The following CEP128 variants were observed in gnomAD, a reference collection of about 807,000 sequenced individuals.
The protein encoded by CEP128 is centrosomal protein 128.
A neutral mutation model predicts 156.7 loss-of-function variants in CEP128; 132 were observed. The observed-to-expected ratio is 0.84, with a 90% CI of 0.73 to 0.97. The LOEUF is 0.97. Ranked by LOEUF, CEP128 falls within the 50% of genes least tolerant of loss-of-function variation. CEP128 has a pLI of 0.00. For synonymous variants in CEP128, 469 were observed against 448.9 expected (o/e 1.04, Z -0.57); for missense variants, 1,252 against 1,281.9 (o/e 0.98, Z 0.36).
rs1410960526 is a variant in CEP128, at chr14:80,785,147, C to T, written c.1959G>A (p.Glu653=). Residue 653 remains glutamate (E), a synonymous_variant, in exon 15 of 25, where the codon GAG becomes GAA. Coordinates refer to ENST00000555265, the MANE Select transcript of CEP128 (RefSeq NM_152446.5). The part of the protein sequence containing the change: ...IRADLANKLA[E]EERAKKAVLK... Reference sequence around the variant, plus strand: ...GCACTGCTTTCTTGGCTCTCTCTTCCTCAGCCAATTTATTAGCAAGATCTG... The same window carrying T: ...GCACTGCTTTCTTGGCTCTCTCTTCTTCAGCCAATTTATTAGCAAGATCTG... 1.2e-6 allele frequency: 2 copies of T among 1,614,144 alleles called. No homozygotes were observed. Among genetic ancestry groups the T allele is most frequent in the East Asian group, 2.2e-5 (1 of 44,878 alleles).
chr14:80,810,333 A>AAAAAAAAAAAAAAAAAAAT (rs1160579811), intron 13 of CEP128, among the ~76,000 whole-genome samples: 1 of 145,366 alleles, frequency 6.9e-6, no homozygotes, highest in Non-Finnish European at 1.5e-5. Context: ...CAAAAAAAAA[A>AAAAAAAAAAAAAAAAAAAT]AAAAAAAAAA....
upstream of CEP128, among the ~76,000 whole-genome samples, chr14:80,943,886 C>T (rs966045940): frequency 1.3e-5 from 2 of 151,536 alleles, no homozygotes; most frequent in Non-Finnish European, 2.9e-5. Flanking sequence ...CCCAGCTATT[C>T]GGCAGGCTGA....
At chr14:80,617,426 G>A (rs961385623) in intron 19 of CEP128, among the ~76,000 whole-genome samples, 9 of 151,436 alleles carry the variant, frequency 5.9e-5, no homozygotes, top group Non-Finnish European at 7.4e-5. Flanking sequence ...TAGTAGAGAC[G>A]GGGTTTCACC....
At chr14:80,855,453 G>A (rs892321556) in intron 9 of CEP128, among the ~76,000 whole-genome samples, 1 of 152,204 alleles carries the variant, frequency 6.6e-6, no homozygotes, top group East Asian at 1.9e-4. Context: ...ATACGAGAGT[G>A]ATTTTAATGG....
chr14:80,633,918 T>C (rs534994412), intron 19 of CEP128, among the ~76,000 whole-genome samples: 4 of 152,318 alleles, frequency 2.6e-5, no homozygotes, highest in Admixed American at 1.3e-4. Context: ...TCAAGAGCTA[T>C]GTACAGGGCC....
intron 19 of CEP128, among the ~76,000 whole-genome samples, chr14:80,699,988 G>C (rs1199490464): frequency 1.3e-5 from 2 of 152,170 alleles, no homozygotes; most frequent in Admixed American, 6.6e-5. Context: ...TACAGGGACA[G>C]GTAGGTGCTT....
chr14:80,666,252 A>G (rs1350091394), intron 19 of CEP128, among the ~76,000 whole-genome samples: 5 of 152,238 alleles, frequency 3.3e-5, no homozygotes, highest in African/African-American at 1.2e-4. Context: ...TTCTGCTGAC[A>G]CTGGAAGAAG....
chr14:80,670,117 T>C (rs1381879265), intron 19 of CEP128, among the ~76,000 whole-genome samples: 2 of 152,160 alleles, frequency 1.3e-5, no homozygotes, highest in Non-Finnish European at 2.9e-5. Context: ...AGGATGGCAC[T>C]AAACCATTCA....
At chr14:80,624,210 A>T (rs1345437664) in intron 19 of CEP128, among the ~76,000 whole-genome samples, 6 of 152,284 alleles carry the variant, frequency 3.9e-5, no homozygotes, top group Admixed American at 3.9e-4. Flanking sequence ...TTCACTTAAC[A>T]TAAAGTCCTC....
chr14:80,953,028 G>T (rs1336276695), intron 2 of CEP128, among the ~76,000 whole-genome samples: 1 of 152,158 alleles, frequency 6.6e-6, no homozygotes. Flanking sequence ...TAAGGAAAAT[G>T]CAAGGTTCCA....
chr14:80,667,093 T>C (rs1272959315), intron 19 of CEP128, among the ~76,000 whole-genome samples: 1 of 152,150 alleles, frequency 6.6e-6, no homozygotes, highest in Admixed American at 6.5e-5. Context: ...TTCCAGATTC[T>C]GACGCAGTGG....
chr14:80,604,273 T>C (rs956473043), intron 19 of CEP128, among the ~76,000 whole-genome samples: 4 of 152,170 alleles, frequency 2.6e-5, no homozygotes, highest in African/African-American at 7.2e-5. Context: ...AAGTGATTGA[T>C]TGGTCATGGT....
chr14:80,872,457 T>C (rs943613970), intron 8 of CEP128, among the ~76,000 whole-genome samples: 3 of 152,272 alleles, frequency 2.0e-5, no homozygotes, highest in East Asian at 3.9e-4. Flanking sequence ...GAAAAATGTG[T>C]TCCATAAGCT....
intron 13 of CEP128, chr14:80,830,881 A>T: frequency 2.8e-6 from 1 of 356,812 alleles, no homozygotes; most frequent in Non-Finnish European, 5.1e-6. Flanking sequence ...AATATTTTCA[A>T]ATTTAAAAAT....
intron 20 of CEP128, among the ~76,000 whole-genome samples, chr14:80,566,163 C>T (rs180862550): frequency 0.05 from 7,552 of 152,236 alleles, 263 homozygotes; most frequent in Middle Eastern, 0.11. Flanking sequence ...AAAATCCACT[C>T]AACTTCACCC....
intron 4 of CEP128, 121 bp from the exon 5 acceptor site, chr14:80,906,202 C>A: frequency 2.9e-6 from 2 of 683,840 alleles, no homozygotes; most frequent in Non-Finnish European, 4.4e-6. Flanking sequence ...AAAAAGGTAT[C>A]AGAAAATTTT....
intron 19 of CEP128, among the ~76,000 whole-genome samples, chr14:80,677,307 C>G (rs922788808): frequency 4.6e-5 from 7 of 151,920 alleles, no homozygotes; most frequent in Non-Finnish European, 8.8e-5. Flanking sequence ...GTTAGGAGTT[C>G]AAGACCAGCC....
chr14:80,949,342 G>C (rs1886411307), intron 2 of CEP128, among the ~76,000 whole-genome samples: 2 of 152,184 alleles, frequency 1.3e-5, no homozygotes, highest in African/African-American at 4.8e-5. Flanking sequence ...GGTGGAGTTT[G>C]CAGGACAAAC....
At chr14:80,830,652 C>A (rs1051728325) in intron 13 of CEP128, 1 of 174,288 alleles carries the variant, frequency 5.7e-6, no homozygotes, top group Non-Finnish European at 1.2e-5. Flanking sequence ...TCCATGATTG[C>A]TACACAACTC....
Sources: gnomAD v4.1 joint callset for allele counts (sites outside exome capture counted in the v4.1 genomes callset) on GRCh38, gnomAD v4.1.1 for gene constraint, MANE v1.5 for transcripts, NCBI Gene and HGNC (gene_info 2026-07-23, HGNC 2026-07-21) for gene names.